Variants in LINGO2 observed in about 807,000 individuals in gnomAD.
LINGO2 encodes leucine-rich repeat and immunoglobulin-like domain-containing nogo receptor-interacting protein 2.
A neutral mutation model predicts 30.6 loss-of-function variants in LINGO2; 14 were observed. The ratio of observed to expected loss-of-function variants is 0.46; its 90% confidence interval spans 0.30 to 0.72. LINGO2 has a LOEUF of 0.72. Among genes scored for constraint, LINGO2 ranks in the 30% least tolerant of loss-of-function variants. The pLI, the probability that LINGO2 is intolerant of heterozygous loss-of-function variation, is 0.07. For synonymous variants in LINGO2, 317 were observed against 288.5 expected (o/e 1.10, Z -1.00); for missense variants, 729 against 751.7 (o/e 0.97, Z 0.35).
chr9:28,007,248 A>T (rs1822312054), intron 5 of LINGO2, among the ~76,000 whole-genome samples: 1 of 152,114 alleles, frequency 6.6e-6, no homozygotes, highest in South Asian at 2.1e-4. Flanking sequence ...CACGTTAGGA[A>T]GTGGCGCCAA....
intron 4 of LINGO2, among the ~76,000 whole-genome samples, chr9:28,180,617 A>C (rs906489375): frequency 3.3e-5 from 5 of 152,194 alleles, no homozygotes; most frequent in Non-Finnish European, 7.3e-5. Flanking sequence ...ATGACTGCTA[A>C]CAGCTTAAAG....
At chr9:28,419,605 TAA>T (rs60462885) in intron 2 of LINGO2, among the ~76,000 whole-genome samples, 13 of 149,278 alleles carry the variant, frequency 8.7e-5, no homozygotes, top group East Asian at 2.0e-4. Flanking sequence ...GGAGATAGAT[TAA>T]AAAAAAAAAG....
the LINGO2 span, among the ~76,000 whole-genome samples, chr9:29,150,128 T>G: frequency 6.6e-6 from 1 of 152,184 alleles, no homozygotes; most frequent in Admixed American, 6.5e-5. Flanking sequence ...TAAGCACAAT[T>G]TACAGGATAG....
At chr9:28,387,357 C>T (rs371161276) in intron 2 of LINGO2, among the ~76,000 whole-genome samples, 79 of 152,230 alleles carry the variant, frequency 5.2e-4, no homozygotes, top group Middle Eastern at 3.4e-3. Context: ...GATTTGTAAA[C>T]GCACCAATCA....
the LINGO2 span, among the ~76,000 whole-genome samples, chr9:28,880,562 G>A: frequency 2.0e-5 from 3 of 152,154 alleles, no homozygotes; most frequent in African/African-American, 7.2e-5. Context: ...TATTGTCCAA[G>A]GTTTCTCCCC....
chr9:28,291,383 C>G (rs1823722485), intron 4 of LINGO2, among the ~76,000 whole-genome samples: 1 of 152,182 alleles, frequency 6.6e-6, no homozygotes, highest in Admixed American at 6.5e-5. Context: ...TAGCCCATCA[C>G]TCACAGCTAG....
the LINGO2 span, among the ~76,000 whole-genome samples, chr9:28,884,193 C>T: frequency 6.6e-6 from 1 of 151,808 alleles, no homozygotes; most frequent in Admixed American, 6.6e-5. Context: ...TTTTCCCTTA[C>T]AGTTTTTGTT....
chr9:28,691,595 TA>T, the LINGO2 span, among the ~76,000 whole-genome samples: 2 of 152,030 alleles, frequency 1.3e-5, no homozygotes, highest in African/African-American at 4.8e-5. Flanking sequence ...AATTGCCTCT[TA>T]AAAAAAGCAG....
chr9:27,987,067 T>C (rs188198194), intron 5 of LINGO2, among the ~76,000 whole-genome samples: 1 of 146,646 alleles, frequency 6.8e-6, no homozygotes, highest in Non-Finnish European at 1.5e-5. Flanking sequence ...TCAGCAAAAT[T>C]GTTAACTTTT....
chr9:28,022,969 C>G (rs1279535222), intron 4 of LINGO2, among the ~76,000 whole-genome samples: 1 of 151,976 alleles, frequency 6.6e-6, no homozygotes. Flanking sequence ...CTAATGAACT[C>G]CTCAAAGACA....
the LINGO2 span, among the ~76,000 whole-genome samples, chr9:28,681,860 G>A: frequency 3.9e-5 from 6 of 152,066 alleles, no homozygotes; most frequent in African/African-American, 1.4e-4. Flanking sequence ...AGAGAAATAG[G>A]CTCTCTTAAG....
chr9:28,473,352 C>A (rs1432764528), intron 2 of LINGO2, among the ~76,000 whole-genome samples: 1 of 151,818 alleles, frequency 6.6e-6, no homozygotes, highest in Non-Finnish European at 1.5e-5. Flanking sequence ...CGTCTTTCTC[C>A]ATTCTGTGGT....
At chr9:28,484,034 G>T (rs1480165358) in intron 1 of LINGO2, among the ~76,000 whole-genome samples, 2 of 151,992 alleles carry the variant, frequency 1.3e-5, no homozygotes, top group African/African-American at 4.8e-5. Context: ...TCTACAGCCT[G>T]GGCATTTAAT....
chr9:28,423,199 C>G (rs1823274360), intron 2 of LINGO2, among the ~76,000 whole-genome samples: 1 of 151,946 alleles, frequency 6.6e-6, no homozygotes, highest in Admixed American at 6.6e-5. Context: ...GTGTATTCCA[C>G]CACAATTTTT....
chr9:29,163,197 G>A, the LINGO2 span, among the ~76,000 whole-genome samples: 2 of 152,112 alleles, frequency 1.3e-5, no homozygotes, highest in South Asian at 2.1e-4. Flanking sequence ...CCAGAAAACT[G>A]CTGAGGATGT....
intron 2 of LINGO2, among the ~76,000 whole-genome samples, chr9:28,449,988 T>C (rs1006534240): frequency 1.3e-5 from 2 of 152,018 alleles, no homozygotes; most frequent in African/African-American, 4.8e-5. Flanking sequence ...CTTGGATTCG[T>C]AGGCACACCA....
chr9:29,187,597 G>C, the LINGO2 span, among the ~76,000 whole-genome samples: 2 of 152,010 alleles, frequency 1.3e-5, no homozygotes, highest in Non-Finnish European at 2.9e-5. Flanking sequence ...TACAAAACAG[G>C]TTTCAAACTA....
intron 4 of LINGO2, among the ~76,000 whole-genome samples, chr9:28,271,654 C>T (rs1399076866): frequency 1.3e-5 from 2 of 152,028 alleles, no homozygotes; most frequent in Non-Finnish European, 2.9e-5. Flanking sequence ...TTCCACTGGG[C>T]CAATAAATAG....
At chr9:28,092,351 G>C (rs1049392723) in intron 4 of LINGO2, among the ~76,000 whole-genome samples, 3 of 152,074 alleles carry the variant, frequency 2.0e-5, no homozygotes, top group African/African-American at 7.2e-5. Context: ...ATACACCATG[G>C]AATACTATGC....
Sources: allele counts gnomAD v4.1 joint callset (sites outside exome capture counted in the v4.1 genomes callset), GRCh38; gene constraint gnomAD v4.1.1; transcripts MANE v1.5; gene names NCBI Gene and HGNC (gene_info 2026-07-23, HGNC 2026-07-21).